The following FREM1 variants were observed in gnomAD, a reference collection of about 807,000 sequenced individuals.
FREM1 encodes FRAS1-related extracellular matrix protein 1.
Under a neutral mutation model 210.1 loss-of-function variants are expected in FREM1, and 220 were observed. The ratio of observed to expected loss-of-function variants is 1.05; its 90% confidence interval spans 0.94 to 1.17. The LOEUF (loss-of-function observed/expected upper bound fraction) is 1.17, where lower values mean the gene tolerates loss of function less well. Among genes scored for constraint, FREM1 ranks in the 50% most tolerant of loss-of-function variants. The pLI is 0.00. For synonymous variants in FREM1, 1,189 were observed against 980.2 expected (o/e 1.21, Z -3.98); for missense variants, 3,454 against 2,675.5 (o/e 1.29, Z -6.42).
In FREM1 at chr9:14,747,395, C is replaced by A; in HGVS notation, c.5878G>T (p.Asp1960Tyr). The A allele has an allele frequency of 6.2e-7, 1 of 1,613,560 alleles. No individual in the cohort carries two copies. The highest frequency in any genetic ancestry group is 1.1e-5 in the South Asian group (1 of 91,054). Reference sequence around the variant, plus strand: ...TTCCTTTTGTGAGTTGGGAAACTGTCATCCTCCAGTTTCAAGGAAACTATC... The same window carrying A: ...TTCCTTTTGTGAGTTGGGAAACTGTAATCCTCCAGTTTCAAGGAAACTATC... ...HGIVSLKLED[D>Y]SFPTHKRKAK... The change falls in exon 33 of 37, where the codon GAC becomes TAC. Residue 1960 changes from aspartate to tyrosine, a missense_variant. Transcript: ENST00000380880.
rs369807134 is a variant in FREM1 at position 14,823,292 on chromosome 9, G to C, written c.2205C>G (p.Pro735=). ...AATGGGGACCAATGTCTTGCATGGG[G>C]GGCATGTAGGCCACTTTCATATAGT... is the stretch of plus-strand genomic sequence containing the variant. The part of the protein sequence containing the change: ...AVNYMKVAYM[P]PMQDIGPHCR... The change falls in exon 13 of 37, where the codon CCC becomes CCG. Residue 735 remains proline (P), a synonymous_variant. Transcript: ENST00000380880. The C allele has an allele frequency of 6.8e-6, 11 of 1,613,824 alleles. No homozygotes were observed. The highest frequency in any genetic ancestry group is 3.3e-4 in the Middle Eastern group (2 of 6,062).
chr9:14,825,036 A>G (rs1399195258), intron 10 of FREM1, 44 bp from the exon 11 acceptor site: 1 of 1,390,168 alleles, frequency 7.2e-7, no homozygotes, highest in Non-Finnish European at 9.9e-7. Flanking sequence ...ATACCAAAAA[A>G]ACAACAAAGA....
chr9:14,809,752 G>T (rs898702165), intron 16 of FREM1, among the ~76,000 whole-genome samples: 9 of 152,238 alleles, frequency 5.9e-5, no homozygotes, highest in African/African-American at 1.9e-4. Context: ...AGAGAAAAAG[G>T]CACACATTTT....
rs775594661 is a variant in FREM1 at position 14,848,620 on chromosome 9, T to C, written c.1261+45A>G. ...TTCCTGACCCATCTACTTTCTTGTA[T>C]TCCCTTCAGGGCTATGTTGCTCTAT... On this transcript the variant is annotated intron_variant, in intron 7 of 36. Coordinates refer to ENST00000380880, the MANE Select transcript of FREM1 (RefSeq NM_001379081.2). The C allele has an allele frequency of 3.5e-6, 4 of 1,138,502 alleles. No individual in the cohort carries two copies. In the Admixed American group the frequency reaches 7.2e-5, roughly 20 times the overall value. The allele number at this position is 1,138,502 out of a possible 1,614,324, so 70.5% of individuals were successfully genotyped here.
At chr9:14,892,446 C>T (rs1164484270) in intron 1 of FREM1, among the ~76,000 whole-genome samples, 1 of 152,082 alleles carries the variant, frequency 6.6e-6, no homozygotes, top group East Asian at 1.9e-4. Flanking sequence ...GGCAAGGACG[C>T]TTGACCGAAC....
At position 14,823,159 on chromosome 9, in the gene FREM1, C is replaced by A. The variant is rs756902237; in HGVS notation, c.2337+1G>T. The A allele has an allele frequency of 6.2e-7, 1 of 1,612,218 alleles. No homozygotes were observed. The highest frequency in any genetic ancestry group is 8.5e-7 in the Non-Finnish European group (1 of 1,178,354). On this transcript the variant is annotated splice_donor_variant, in intron 13 of 36. Coordinates refer to ENST00000380880, the MANE Select transcript of FREM1 (RefSeq NM_001379081.2). LOFTEE classifies it high-confidence loss of function. ...TCCTCTATATAGAACATTGTACATA[C>A]CTCAGGAACTTGATTGTCCACTGGG... is the stretch of plus-strand genomic sequence containing the variant.
chr9:14,744,036 T>C (rs1452589102), intron 35 of FREM1, among the ~76,000 whole-genome samples: 1 of 152,106 alleles, frequency 6.6e-6, no homozygotes, highest in Admixed American at 6.6e-5. Context: ...AGGAAATATA[T>C]GTATTTAAAG....
intron 22 of FREM1, among the ~76,000 whole-genome samples, chr9:14,791,856 G>A (rs775263211): frequency 2.3e-5 from 3 of 128,716 alleles, no homozygotes; most frequent in Non-Finnish European, 3.5e-5. Flanking sequence ...TTTTTAAGAC[G>A]GAGTCTTGCT....
intron 27 of FREM1, among the ~76,000 whole-genome samples, chr9:14,768,531 A>G (rs1369025794): frequency 6.6e-6 from 1 of 152,060 alleles, no homozygotes. Context: ...GCTCTAACCT[A>G]TTCCCCAGCT....
chr9:14,792,635 G>A (rs1851625501), intron 22 of FREM1, 108 bp downstream of exon 22: 1 of 820,946 alleles, frequency 1.2e-6, no homozygotes, highest in African/African-American at 1.7e-5. Context: ...CTACTTCTAG[G>A]CAAATATATG....
intron 20 of FREM1, among the ~76,000 whole-genome samples, chr9:14,798,210 T>C (rs1446425615): frequency 1.3e-5 from 2 of 152,210 alleles, no homozygotes; most frequent in African/African-American, 2.4e-5. Context: ...TTATATAAAA[T>C]GTTTACTGAA....
rs144571489 is a variant in FREM1 at position 14,835,468 on chromosome 9, A to C, written c.1881+5979T>G. On this transcript the variant is annotated intron_variant, in intron 10 of 36. Coordinates refer to ENST00000380880, the MANE Select transcript of FREM1 (RefSeq NM_001379081.2). Reference sequence around the variant, plus strand: ...GAAGGGGTGTGTCTCCCTTTAAGGAATCAAGCTCGACATGTACAGCCAATT... The same window carrying C: ...GAAGGGGTGTGTCTCCCTTTAAGGACTCAAGCTCGACATGTACAGCCAATT... Among the ~76,000 whole-genome samples, 75 of 152,328 alleles carry C rather than the reference A, an allele frequency of 4.9e-4. 1 individual carries two copies. In the East Asian group the frequency reaches 0.013, roughly 27 times the overall value.
chr9:14,750,601 G>C (rs903314), intron 29 of FREM1, among the ~76,000 whole-genome samples: 2,998 of 152,138 alleles, frequency 0.02, 94 homozygotes, highest in African/African-American at 0.069. Flanking sequence ...CTTCTGAAGA[G>C]TAAACAAGTA....
At chr9:14,792,272 G>GCACACACACCCACACACACACGCA (rs1851518346) in intron 22 of FREM1, among the ~76,000 whole-genome samples, 1 of 142,244 alleles carries the variant, frequency 7.0e-6, no homozygotes, top group African/African-American at 2.7e-5. Flanking sequence ...ACACACACAC[G>GCACACACACCCACACACACACGCA]CACACACACA....
intron 1 of FREM1, among the ~76,000 whole-genome samples, chr9:14,870,362 C>G (rs1832388379): frequency 6.6e-6 from 1 of 152,184 alleles, no homozygotes; most frequent in Non-Finnish European, 1.5e-5. Flanking sequence ...TTTATGGTAT[C>G]AGTCCCAGAG....
At chr9:14,774,652 G>A (rs1457657372) in intron 25 of FREM1, among the ~76,000 whole-genome samples, 2 of 152,120 alleles carry the variant, frequency 1.3e-5, no homozygotes, top group African/African-American at 4.8e-5. Context: ...TGGTGTGAGT[G>A]TGTAGAAGAG....
rs536957838 is a variant in FREM1 at position 14,862,851 on chromosome 9, A to G, written c.329+958T>C. ...TTATGGCTGAATGATATTCCATTCC[A>G]TGAATATACCACATATTGTTTATCC... is the stretch of plus-strand genomic sequence containing the variant. On this transcript the variant is annotated intron_variant, in intron 3 of 36. Transcript: ENST00000380880. 7.2e-5 allele frequency among the ~76,000 whole-genome samples: 11 copies of G among 152,282 alleles called. No homozygotes were observed. In the East Asian group the frequency reaches 1.9e-3, roughly 27 times the overall value.
chr9:14,737,741 G>T, intron 36 of FREM1, 146 bp from the exon 37 acceptor site: 1 of 578,608 alleles, frequency 1.7e-6, no homozygotes, highest in Non-Finnish European at 2.8e-6. Flanking sequence ...AATACTCTAA[G>T]ACACAAACGG....
intron 3 of FREM1, among the ~76,000 whole-genome samples, chr9:14,860,546 C>CAT (rs374788202): frequency 0.21 from 22,010 of 102,508 alleles, 3,555 homozygotes; most frequent in Non-Finnish European, 0.25. Context: ...TATATATACA[C>CAT]ATATATATAC....
Sources: allele counts gnomAD v4.1 joint callset (sites outside exome capture counted in the v4.1 genomes callset), GRCh38; gene constraint gnomAD v4.1.1; transcripts MANE v1.5; gene names NCBI Gene and HGNC (gene_info 2026-07-23, HGNC 2026-07-21).